Variants in IP6K2 observed in about 807,000 individuals in gnomAD.
The protein encoded by IP6K2 is ATP:1D-myo-inositol-hexakisphosphate phosphotransferase.
Under a neutral mutation model 43.3 loss-of-function variants are expected in IP6K2, and 9 were observed. The observed-to-expected ratio is 0.21, with a 90% CI of 0.13 to 0.36. The LOEUF (loss-of-function observed/expected upper bound fraction) is 0.36, where lower values mean the gene tolerates loss of function less well. IP6K2 is among the 10% of genes least tolerant of loss of function. The pLI is 1.00. For synonymous variants in IP6K2, 209 were observed against 202.4 expected, an observed-to-expected ratio of 1.03 and a Z score of -0.28; for missense variants, 332 against 538.4, an observed-to-expected ratio of 0.62 and a Z score of 3.79.
At chr3:48,701,421 G>T (rs1165303564) in intron 1 of IP6K2, among the ~76,000 whole-genome samples, 1 of 151,808 alleles carries the variant, frequency 6.6e-6, no homozygotes, top group African/African-American at 2.4e-5. Context: ...ACAAAAAGTA[G>T]CTGGGCGTGG....
At position 48,688,483 on chromosome 3, in the gene IP6K2, C is replaced by A; in HGVS notation, c.1071G>T (p.Glu357Asp). 1 of 1,614,220 alleles carries A rather than the reference C, an allele frequency of 6.2e-7. No individual in the cohort carries two copies. Among genetic ancestry groups the A allele is most frequent in the Non-Finnish European group, 8.5e-7 (1 of 1,180,038 alleles). The change falls in exon 6 of 6, where the codon GAG (glutamate) becomes GAT (aspartate). Residue 357 changes from glutamate (E) to aspartate (D), a missense_variant. Glu to Asp is a conservative substitution (Grantham distance 45). Coordinates refer to ENST00000328631, the MANE Select transcript of IP6K2 (RefSeq NM_016291.4). The surrounding 1 kb of genome is among the most constrained non-coding windows in gnomAD (Gnocchi z 5.1). The part of the protein sequence containing the change: ...SDAEDLEDLS[E>D]ESADESAGAY... The stretch of plus-strand genomic sequence containing the variant: ...CACCAGCAGACTCATCAGCTGATTC[C>A]TCTGACAGGTCCTCCAAATCCTCAG...
At chr3:48,713,879 G>A (rs2080849253) in intron 1 of IP6K2, among the ~76,000 whole-genome samples, 2 of 152,010 alleles carry the variant, frequency 1.3e-5, no homozygotes, top group Non-Finnish European at 2.9e-5. Context: ...CACTTTGGGA[G>A]GCCGAGGTGG....
chr3:48,691,545 G>A, intron 3 of IP6K2, 63 bp from the exon 4 acceptor site: 1 of 1,263,590 alleles, frequency 7.9e-7, no homozygotes, highest in South Asian at 1.4e-5. Context: ...GCCGGGCATG[G>A]TGGCTCATGC....
intron 1 of IP6K2, among the ~76,000 whole-genome samples, chr3:48,703,427 A>G (rs1477790245): frequency 1.3e-5 from 2 of 152,090 alleles, no homozygotes; most frequent in African/African-American, 4.8e-5. Flanking sequence ...TATCTCGGCC[A>G]GGCACGGTGG....
intron 5 of IP6K2, among the ~76,000 whole-genome samples, chr3:48,689,047 C>G (rs1469109137): frequency 2.0e-5 from 3 of 152,268 alleles, no homozygotes; most frequent in Non-Finnish European, 4.4e-5. Context: ...CTCCCTACTA[C>G]TATCCACAGA....
intron 3 of IP6K2, among the ~76,000 whole-genome samples, chr3:48,691,874 G>C (rs967825783): frequency 6.0e-5 from 9 of 151,250 alleles, no homozygotes; most frequent in Non-Finnish European, 1.2e-4. Context: ...TTTTTGAGAT[G>C]GAGTTTCGCT....
chr3:48,708,518 C>A (rs2080089874), intron 1 of IP6K2, among the ~76,000 whole-genome samples: 1 of 151,930 alleles, frequency 6.6e-6, no homozygotes, highest in Admixed American at 6.6e-5. Flanking sequence ...AGGCATGAGT[C>A]AACTGGCCAA....
At chr3:48,689,861 TC>T in intron 4 of IP6K2, 148 bp from the exon 5 acceptor site, 1 of 646,272 alleles carries the variant, frequency 1.5e-6, no homozygotes, top group Non-Finnish European at 2.6e-6. Flanking sequence ...ACACAGGGAG[TC>T]CAGAGCTGAC....
chr3:48,694,002 TGAA>T, intron 2 of IP6K2: 1 of 1,386,154 alleles, frequency 7.2e-7, no homozygotes, highest in Non-Finnish European at 9.4e-7. Context: ...AACGACTGGC[TGAA>T]CACCTTTCCT....
intron 2 of IP6K2, 180 bp from the exon 3 acceptor site, chr3:48,693,359 C>T: frequency 8.8e-7 from 1 of 1,131,528 alleles, no homozygotes; most frequent in Non-Finnish European, 1.3e-6. Flanking sequence ...TGACACCATA[C>T]AAGACAAGCA....
At position 48,693,100 on chromosome 3, in the gene IP6K2, T is replaced by A; in HGVS notation, c.282A>T (p.Gly94=). Reference sequence around the variant, plus strand: ...CTGAATTATCTACAATGTCCACAATTCCATGGTCCCCTTTCAATGGATATG... The same window carrying A: ...CTGAATTATCTACAATGTCCACAATACCATGGTCCCCTTTCAATGGATATG... ...LIAYPLKGDH[G]IVDIVDNSDC... is the part of the protein sequence containing the mutation. The change falls in exon 3 of 6, where the codon GGA becomes GGT. Residue 94 remains glycine, a synonymous_variant. Coordinates refer to ENST00000328631, the MANE Select transcript of IP6K2 (RefSeq NM_016291.4). The A allele has an allele frequency of 6.2e-7, 1 of 1,614,246 alleles. No homozygotes were observed. Among genetic ancestry groups the A allele is most frequent in the Non-Finnish European group, 8.5e-7 (1 of 1,180,038 alleles).
At position 48,688,285 on chromosome 3, in the gene IP6K2, C is replaced by T; in HGVS notation, c.1269G>A (p.Glu423=). ...LIDIVTEISE[E]SGE ...GCAGCTAGCAAGCTCACTCCCCACT[C>T]TCCTCACTTATCTCTGTGACAATGT... Residue 423 remains glutamate (E), a synonymous_variant, in exon 6 of 6, where the codon GAG becomes GAA. Transcript: ENST00000328631. This position sits in a 1 kb window ranked among gnomAD's most constrained non-coding sequence, Gnocchi z 5.1. 1 of 1,613,726 alleles carries T rather than the reference C, an allele frequency of 6.2e-7. No homozygotes were observed. The highest frequency in any genetic ancestry group is 8.5e-7 in the Non-Finnish European group (1 of 1,179,600).
intron 1 of IP6K2, among the ~76,000 whole-genome samples, chr3:48,701,595 A>T (rs1425405311): frequency 2.3e-5 from 3 of 129,996 alleles, no homozygotes; most frequent in Admixed American, 8.1e-5. Flanking sequence ...AAAAAAAAAA[A>T]GATTATACTT....
chr3:48,690,614 C>T (rs1157458241), intron 4 of IP6K2, among the ~76,000 whole-genome samples: 2 of 146,904 alleles, frequency 1.4e-5, no homozygotes, highest in Non-Finnish European at 3.0e-5. Flanking sequence ...CATGGTGAAA[C>T]CCTGTCTCCA....
intron 5 of IP6K2, 133 bp downstream of exon 5, chr3:48,689,405 G>A (rs2077583340): frequency 1.1e-6 from 1 of 890,354 alleles, no homozygotes; most frequent in Non-Finnish European, 1.7e-6. Flanking sequence ...CACCCACCTT[G>A]ACCCCCAAAG....
intron 1 of IP6K2, among the ~76,000 whole-genome samples, chr3:48,696,531 C>G (rs907920868): frequency 2.0e-5 from 3 of 152,222 alleles, no homozygotes; most frequent in African/African-American, 7.2e-5. Flanking sequence ...TCCACTCACT[C>G]AGCCATGCAC....
chr3:48,715,613 G>T (rs1304600932), intron 1 of IP6K2: 11 of 690,802 alleles, frequency 1.6e-5, no homozygotes, highest in Non-Finnish European at 4.8e-6. Context: ...CCCTACCCAG[G>T]CCCTGCATAA....
rs567212142 is a variant in IP6K2, at chr3:48,711,154, G to A, written c.-131+6003C>T. 5.9e-5 allele frequency among the ~76,000 whole-genome samples: 9 copies of A among 152,168 alleles called. 1 individual carries two copies. Among genetic ancestry groups the A allele is most frequent in the South Asian group, 2.1e-4 (1 of 4,814 alleles). ...TCGAACTCCTGGGATTAAATGATCC[G>A]CCTACCTCAGCCTCCTGAAGTGCCA... is the stretch of plus-strand genomic sequence containing the variant. On this transcript the variant is annotated intron_variant, in intron 1 of 5. Transcript: ENST00000328631.
At chr3:48,694,117 G>C in intron 2 of IP6K2, 2 of 1,509,788 alleles carry the variant, frequency 1.3e-6, no homozygotes, top group Non-Finnish European at 1.8e-6. Flanking sequence ...GTGGCCCCCA[G>C]CTCTGGGTGC....
Sources: allele counts gnomAD v4.1 joint callset (sites outside exome capture counted in the v4.1 genomes callset), GRCh38; gene constraint gnomAD v4.1.1; non-coding constraint Gnocchi (gnomAD v3.1); transcripts MANE v1.5; gene names NCBI Gene and HGNC (gene_info 2026-07-23, HGNC 2026-07-21).